CCDC178: variants seen among roughly 807,000 people sequenced by gnomAD.
The protein encoded by CCDC178 is coiled-coil domain containing 178, also known as coiled-coil domain-containing protein 178.
Under a neutral mutation model 117.4 loss-of-function variants are expected in CCDC178, and 126 were observed. The observed-to-expected ratio is 1.07, with a 90% CI of 0.93 to 1.24. CCDC178 has a LOEUF of 1.24. CCDC178 is among the 50% of genes most tolerant of loss of function. The pLI, the probability that CCDC178 is intolerant of heterozygous loss-of-function variation, is 0.00. For synonymous variants in CCDC178, 283 were observed against 313.4 expected (o/e 0.90, Z 1.02); for missense variants, 1,030 against 986.9 (o/e 1.04, Z -0.59).
chr18:33,090,611 T>C (rs1047018838), intron 21 of CCDC178, among the ~76,000 whole-genome samples: 8 of 152,206 alleles, frequency 5.3e-5, no homozygotes, highest in Non-Finnish European at 8.8e-5. Flanking sequence ...TGACATACGA[T>C]TTCTCACTGA....
chr18:33,077,651 C>G (rs1225335471), intron 21 of CCDC178, among the ~76,000 whole-genome samples: 1 of 152,162 alleles, frequency 6.6e-6, no homozygotes, highest in Non-Finnish European at 1.5e-5. Context: ...ACTACAAATA[C>G]CTCTGTGCAC....
rs556528426 is a variant in CCDC178, at chr18:32,945,986, T to C, written c.2524-7895A>G. Among the ~76,000 whole-genome samples, 5 of 152,334 alleles carry C rather than the reference T, an allele frequency of 3.3e-5. No homozygotes were observed. The South Asian group carries it at 6.2e-4, about 19-fold the overall frequency. On this transcript the variant is annotated intron_variant, in intron 22 of 22. Coordinates refer to ENST00000383096, the MANE Select transcript of CCDC178 (RefSeq NM_001105528.4). ...TTTCTTTATGTTAAAAGCTTTAGGA[T>C]AATTGTCTCTTGACCATAAAGTTTG...
At chr18:33,011,766 GCA>G (rs2055871024) in intron 21 of CCDC178, among the ~76,000 whole-genome samples, 1 of 13,398 alleles carries the variant, frequency 7.5e-5, no homozygotes. Flanking sequence ...TGAGCAGAAT[GCA>G]AAAAAAAAAA....
intron 21 of CCDC178, among the ~76,000 whole-genome samples, chr18:33,053,862 T>A (rs548168851): frequency 6.6e-6 from 1 of 152,354 alleles, no homozygotes; most frequent in South Asian, 2.1e-4. Context: ...TTTGAAATTG[T>A]ATTTCTGTTG....
chr18:33,331,593 T>C (rs1238731458), intron 10 of CCDC178, among the ~76,000 whole-genome samples: 1 of 152,152 alleles, frequency 6.6e-6, no homozygotes, highest in African/African-American at 2.4e-5. Context: ...TTGCAGCCAA[T>C]AACTCCTACC....
chr18:33,262,901 T>C (rs2059768767), intron 14 of CCDC178, among the ~76,000 whole-genome samples: 1 of 152,196 alleles, frequency 6.6e-6, no homozygotes, highest in Non-Finnish European at 1.5e-5. Flanking sequence ...AGGTTAATAT[T>C]CTGAACCTGA....
Position 33,293,621 on chromosome 18 carries a change from A to T in CCDC178, c.1023-309T>A, listed in dbSNP as rs1344325058. Among the ~76,000 whole-genome samples the T allele has an allele frequency of 3.3e-5, 5 of 152,216 alleles. No homozygotes were observed. The East Asian group carries it at 9.7e-4, about 29-fold the overall frequency. On this transcript the variant is annotated intron_variant, in intron 11 of 22. Coordinates refer to ENST00000383096, the MANE Select transcript of CCDC178 (RefSeq NM_001105528.4). ...TTGAGGCTGTAGTGAGCTGTGATTG[A>T]TCCACTGTACTCCAGCCTGGGTGAC...
At chr18:33,037,140 A>G (rs1195410739) in intron 21 of CCDC178, among the ~76,000 whole-genome samples, 1 of 151,996 alleles carries the variant, frequency 6.6e-6, no homozygotes, top group African/African-American at 2.4e-5. Context: ...AAGCCTCATA[A>G]TATAATGATT....
intron 22 of CCDC178, among the ~76,000 whole-genome samples, chr18:32,967,701 A>G (rs1247495268): frequency 6.6e-6 from 1 of 151,452 alleles, no homozygotes; most frequent in Non-Finnish European, 1.5e-5. Flanking sequence ...TTGCATTTTG[A>G]ATTATCTAAT....
At chr18:33,355,100 T>C (rs2063035504) in intron 7 of CCDC178, among the ~76,000 whole-genome samples, 1 of 152,348 alleles carries the variant, frequency 6.6e-6, no homozygotes, top group South Asian at 2.1e-4. Context: ...CAGTTTATGT[T>C]AATTTATCCT....
At chr18:33,253,033 G>A (rs2059635291) in intron 14 of CCDC178, among the ~76,000 whole-genome samples, 1 of 151,842 alleles carries the variant, frequency 6.6e-6, no homozygotes, top group Admixed American at 6.6e-5. Context: ...TGCCTATCAT[G>A]TGAATAAGCA....
At chr18:33,293,097 G>C in intron 12 of CCDC178, 62 bp downstream of exon 12, 6 of 1,174,906 alleles carry the variant, frequency 5.1e-6, no homozygotes, top group Non-Finnish European at 7.0e-6. Flanking sequence ...TGACAAAAAA[G>C]TTTACTATTT....
At chr18:33,335,747 C>A (rs1350908063) in intron 9 of CCDC178, among the ~76,000 whole-genome samples, 1 of 151,852 alleles carries the variant, frequency 6.6e-6, no homozygotes, top group Non-Finnish European at 1.5e-5. Context: ...TATTTTTAAA[C>A]CTTTTCATTT....
chr18:33,361,706 T>C (rs1159914533), intron 6 of CCDC178, among the ~76,000 whole-genome samples: 2 of 151,840 alleles, frequency 1.3e-5, no homozygotes, highest in African/African-American at 4.8e-5. Flanking sequence ...AAAAAGGTGC[T>C]CAACATCACT....
At chr18:33,123,363 G>A (rs1417364804) in intron 20 of CCDC178, among the ~76,000 whole-genome samples, 1 of 152,060 alleles carries the variant, frequency 6.6e-6, no homozygotes, top group Non-Finnish European at 1.5e-5. Context: ...CTAAGTGACT[G>A]TAACACTCGG....
intron 20 of CCDC178, among the ~76,000 whole-genome samples, chr18:33,129,659 G>A (rs2058048190): frequency 6.6e-6 from 1 of 151,734 alleles, no homozygotes; most frequent in African/African-American, 2.4e-5. Flanking sequence ...AAAAAAAATA[G>A]TAAAGAATTT....
intron 12 of CCDC178, among the ~76,000 whole-genome samples, chr18:33,279,056 G>GCCCTCA (rs2059989142): frequency 6.6e-6 from 1 of 152,062 alleles, no homozygotes; most frequent in Non-Finnish European, 1.5e-5. Context: ...AGACAGGGAT[G>GCCCTCA]CCCTCACTCA....
chr18:33,248,847 C>T (rs2059581783), intron 14 of CCDC178, among the ~76,000 whole-genome samples: 1 of 152,108 alleles, frequency 6.6e-6, no homozygotes, highest in Non-Finnish European at 1.5e-5. Context: ...GCCACACTGT[C>T]TTCCACAATG....
chr18:33,387,548 A>G (rs1568193790), intron 5 of CCDC178, among the ~76,000 whole-genome samples: 1 of 152,284 alleles, frequency 6.6e-6, no homozygotes, highest in Non-Finnish European at 1.5e-5. Flanking sequence ...GAACTCAGAA[A>G]GAAAACCGCA....
Sources: gnomAD v4.1 joint callset for allele counts (sites outside exome capture counted in the v4.1 genomes callset) on GRCh38, gnomAD v4.1.1 for gene constraint, MANE v1.5 for transcripts, NCBI Gene and HGNC (gene_info 2026-07-23, HGNC 2026-07-21) for gene names.